KIF26A: variants seen among roughly 807,000 people sequenced by gnomAD.
KIF26A encodes the protein kinesin family member 26A, also known as kinesin-like protein KIF26A.
A neutral mutation model predicts 126.0 loss-of-function variants in KIF26A; 74 were observed. The observed-to-expected ratio is 0.59, with a 90% CI of 0.49 to 0.71. The LOEUF (loss-of-function observed/expected upper bound fraction) is 0.71, where lower values mean the gene tolerates loss of function less well. Ranked by LOEUF, KIF26A falls within the 30% of genes least tolerant of loss-of-function variation. The probability of loss-of-function intolerance (pLI) is 0.00; values close to 1 mark genes in which losing one functional copy is unlikely to be tolerated. For synonymous variants in KIF26A, 1,445 were observed against 1,232.7 expected (o/e 1.17, Z -3.61); for missense variants, 2,984 against 2,763.3 (o/e 1.08, Z -1.79).
In KIF26A at chr14:104,177,175, C is replaced by T; in HGVS notation, c.4387C>T (p.Pro1463Ser). 2 of 1,596,822 alleles carry T rather than the reference C, an allele frequency of 1.3e-6. No homozygotes were observed. The highest frequency in any genetic ancestry group is 8.5e-7 in the Non-Finnish European group (1 of 1,178,346). The change falls in exon 12 of 15, where the codon CCC (proline) becomes TCC (serine). Residue 1463 changes from proline to serine, a missense_variant. Coordinates refer to ENST00000423312, the MANE Select transcript of KIF26A (RefSeq NM_015656.2). ...CCCTGGGCGGCCTCCCCGGGCTGTA[C>T]CCAAGCTGGGTGTGCCACCCTCCAG... Reference protein sequence around the residue: ...EAPGRPPRAVPKLGVPPSSPT... With the variant: ...EAPGRPPRAVSKLGVPPSSPT...
At chr14:104,155,101 C>T (rs1028394962) in intron 3 of KIF26A, among the ~76,000 whole-genome samples, 1 of 152,178 alleles carries the variant, frequency 6.6e-6, no homozygotes, top group African/African-American at 2.4e-5. Context: ...CATCCACACC[C>T]GTGCAGGGGT....
rs1442715020 is a variant in KIF26A, at chr14:104,176,018, G to T, written c.3230G>T (p.Ser1077Ile). The change falls in exon 12 of 15, where the codon AGC (serine) becomes ATC (isoleucine). Residue 1077 changes from serine (S) to isoleucine (I), a missense_variant. Ser to Ile is a moderately radical substitution (Grantham distance 142, BLOSUM62 -2). Transcript: ENST00000423312. ...ASGSRPVSII[S>I]SINDEFDAYT... is the part of the protein sequence containing the mutation. ...GGGTCCCGGCCAGTCAGCATCATCA[G>T]CAGCATCAATGATGAGTTTGACGCC... 3 of 1,591,548 alleles carry T rather than the reference G, an allele frequency of 1.9e-6. No individual in the cohort carries two copies. The highest frequency in any genetic ancestry group is 1.3e-5 in the African/African-American group (1 of 74,688).
At chr14:104,173,589 C>G in intron 9 of KIF26A, 76 bp downstream of exon 9, 1 of 1,503,820 alleles carries the variant, frequency 6.6e-7, no homozygotes, top group Admixed American at 2.1e-5. Flanking sequence ...GGCCTGTCAT[C>G]CAGTGGCTCC....
intron 4 of KIF26A, among the ~76,000 whole-genome samples, chr14:104,164,705 ATG>A (rs897242449): frequency 9.2e-5 from 13 of 140,878 alleles, no homozygotes; most frequent in African/African-American, 3.4e-4. Flanking sequence ...CTGTGTGTGT[ATG>A]TGTGTGAGTG....
chr14:104,177,873 C>T lies in KIF26A; in HGVS notation c.5085C>T (p.Leu1695=), dbSNP rs376830254. 5.8e-6 allele frequency: 9 copies of T among 1,548,534 alleles called. No homozygotes were observed. The African/African-American group carries it at 1.2e-4, about 21-fold the overall frequency. ...CCCCAGGCGCCCGCACCCGCAGCCTCAAGTCCCCCAAGAAGAGGGCCACAG... is the reference window on the plus strand; with the variant it reads ...CCCCAGGCGCCCGCACCCGCAGCCTTAAGTCCCCCAAGAAGAGGGCCACAG... ...AASPGARTRS[L]KSPKKRATGL... is the part of the protein sequence containing the mutation. The change falls in exon 12 of 15, where the codon CTC becomes CTT. Residue 1695 remains leucine, a synonymous_variant. Transcript: ENST00000423312.
chr14:104,161,699 A>G (rs2037834225), intron 4 of KIF26A, among the ~76,000 whole-genome samples: 1 of 152,196 alleles, frequency 6.6e-6, no homozygotes, highest in Non-Finnish European at 1.5e-5. Context: ...GCTGGCAGGG[A>G]CATAGCTGTG....
chr14:104,155,417 G>A lies in KIF26A; in HGVS notation c.736-2338G>A, dbSNP rs1002457295. On this transcript the variant is annotated intron_variant, in intron 3 of 14. Transcript: ENST00000423312. ...GGAAGCTCCCCGTGGGGTGGGTCCC[G>A]TGCGGCTATGCTTGGGGCCCTTGGC... Among the ~76,000 whole-genome samples, 9 of 152,280 alleles carry A rather than the reference G, an allele frequency of 5.9e-5. No homozygotes were observed. In the South Asian group the frequency reaches 6.2e-4, roughly 11 times the overall value.
intron 4 of KIF26A, among the ~76,000 whole-genome samples, chr14:104,164,761 G>A (rs936605556): frequency 2.0e-5 from 3 of 150,670 alleles, no homozygotes; most frequent in African/African-American, 7.4e-5. Flanking sequence ...GTGTGTGCGC[G>A]TGTCTGTGTG....
Position 104,139,068 on chromosome 14 carries a change from A to AGCC in KIF26A, c.77_79dup (p.Pro26dup), listed in dbSNP as rs1443706534. On this transcript the variant is annotated inframe_insertion, in exon 2 of 15. Coordinates refer to ENST00000423312, the MANE Select transcript of KIF26A (RefSeq NM_015656.2). The stretch of plus-strand genomic sequence containing the variant: ...GTGGCCGAGGGCGGCCCGGCCCGCG[A>AGCC]GCCGCCGCCGCTGCTGGAGGTGTCC... The AGCC allele has an allele frequency of 7.2e-7, 1 of 1,386,032 alleles. No individual in the cohort carries two copies. 85.9% of individuals were successfully genotyped at this position (1,386,032 alleles called of 1,614,324 possible). A position where few individuals can be genotyped will look rare whatever the true frequency, so the allele number is the denominator to read the frequency against.
chr14:104,167,663 GT>G (rs2037919967), intron 5 of KIF26A, among the ~76,000 whole-genome samples: 1 of 152,156 alleles, frequency 6.6e-6, no homozygotes, highest in South Asian at 2.1e-4. Context: ...CTGGCTGGAC[GT>G]GGCCCTGCCT....
intron 2 of KIF26A, among the ~76,000 whole-genome samples, chr14:104,147,508 A>G (rs576592240): frequency 1.3e-3 from 200 of 152,196 alleles, no homozygotes; most frequent in African/African-American, 4.7e-3. Context: ...CAGACCAGGG[A>G]GGGTCTGGGC....
Position 104,175,176 on chromosome 14 carries a change from T to G in KIF26A, c.2388T>G (p.Gly796=). 1 of 1,607,536 alleles carries G rather than the reference T, an allele frequency of 6.2e-7. No homozygotes were observed. The highest frequency in any genetic ancestry group is 8.5e-7 in the Non-Finnish European group (1 of 1,177,960). ...ACACGGTCATCTACGTGGGGCCCGGTGGGGCGGCGCTGTCAGACCGGGAGC... is the reference window on the plus strand; with the variant it reads ...ACACGGTCATCTACGTGGGGCCCGGGGGGGCGGCGCTGTCAGACCGGGAGC... ...SCDTVIYVGP[G]GAALSDRELT... is the part of the protein sequence containing the mutation. Residue 796 remains glycine, a synonymous_variant, in exon 12 of 15, where the codon GGT becomes GGG. Coordinates refer to ENST00000423312, the MANE Select transcript of KIF26A (RefSeq NM_015656.2).
chr14:104,153,533 T>C (rs11847275), intron 3 of KIF26A, among the ~76,000 whole-genome samples: 2,710 of 15,224 alleles, frequency 0.18, 202 homozygotes, highest in Non-Finnish European at 0.25. Flanking sequence ...ACCCTTGCCA[T>C]GAGGTGCCTC....
Position 104,173,789 on chromosome 14 carries a change from GGTC to G in KIF26A, c.1952_1954del (p.Gly651_Pro652delinsAla). The G allele has an allele frequency of 1.9e-6, 3 of 1,606,802 alleles. No homozygotes were observed. The highest frequency in any genetic ancestry group is 2.5e-6 in the Non-Finnish European group (3 of 1,179,474). ...TGGCAGGGCCGGGGAGGCTGCTGGG[GGTC>G]CCCTGTGTCTGTCCCTGTCGGCCCT... On this transcript the variant is annotated inframe_deletion, in exon 10 of 15. Transcript: ENST00000423312.
intron 3 of KIF26A, among the ~76,000 whole-genome samples, chr14:104,155,676 G>T (rs1455148231): frequency 6.6e-6 from 1 of 152,256 alleles, no homozygotes; most frequent in Non-Finnish European, 1.5e-5. Flanking sequence ...CGTCCCGGCG[G>T]ATGGGGCGGT....
At chr14:104,170,439 G>T (rs571077836) in intron 5 of KIF26A, among the ~76,000 whole-genome samples, 25 of 152,358 alleles carry the variant, frequency 1.6e-4, no homozygotes, top group African/African-American at 5.5e-4. Context: ...CATGCCCAGG[G>T]GGAGTAGGTG....
Position 104,152,329 on chromosome 14 carries a change from C to T in KIF26A, c.603C>T (p.Pro201=), listed in dbSNP as rs2037737711. Residue 201 remains proline, a synonymous_variant, in exon 3 of 15, where the codon CCC becomes CCT. Transcript: ENST00000423312. The surrounding 1 kb of genome is among the most constrained non-coding windows in gnomAD (Gnocchi z 5.9). The part of the protein sequence containing the change: ...RTKGLAWSPG[P]SVQVSVAPAG... ...AGGGGCTGGCCTGGTCCCCCGGGCC[C>T]AGTGTCCAGGTGTCTGTAGCACCTG... The T allele has an allele frequency of 6.3e-7, 1 of 1,581,160 alleles. No individual in the cohort carries two copies. Among genetic ancestry groups the T allele is most frequent in the Non-Finnish European group, 8.6e-7 (1 of 1,166,008 alleles).
At chr14:104,166,829 A>G (rs2037909185) in intron 4 of KIF26A, 30 bp from the exon 5 acceptor site, 6 of 1,522,260 alleles carry the variant, frequency 3.9e-6, no homozygotes, top group Non-Finnish European at 4.4e-6. Context: ...GTCACCCACC[A>G]CTGATCCTGC....
chr14:104,170,765 A>G (rs1043076623), intron 5 of KIF26A, among the ~76,000 whole-genome samples: 2 of 152,140 alleles, frequency 1.3e-5, no homozygotes, highest in Non-Finnish European at 2.9e-5. Context: ...CCTGCTGTGG[A>G]TGGGTTTCGG....
Sources: gnomAD v4.1 joint callset for allele counts (sites outside exome capture counted in the v4.1 genomes callset) on GRCh38, gnomAD v4.1.1 for gene constraint, Gnocchi (gnomAD v3.1) non-coding constraint, MANE v1.5 for transcripts, NCBI Gene and HGNC (gene_info 2026-07-23, HGNC 2026-07-21) for gene names.